STK32B: variants seen among roughly 807,000 people sequenced by gnomAD.
STK32B encodes serine/threonine kinase 32B.
STK32B carries 43 observed loss-of-function variants against 52.6 expected under a neutral mutation model. The ratio of observed to expected loss-of-function variants is 0.82; its 90% CI spans 0.64 to 1.05. The LOEUF is 1.05. Ranked by LOEUF, STK32B falls within the 50% of genes least tolerant of loss-of-function variation. STK32B has a pLI of 0.00. For missense variants in STK32B, 621 were observed against 534.6 expected (o/e 1.16, Z -1.59); for synonymous variants, 238 against 204.3 (o/e 1.17, Z -1.41).
chr4:5,478,806 T>C (rs956063266), intron 11 of STK32B, among the ~76,000 whole-genome samples: 3 of 152,176 alleles, frequency 2.0e-5, no homozygotes, highest in African/African-American at 7.2e-5. Flanking sequence ...CTGCCTTGAC[T>C]GGAGCAGTGA....
intron 3 of STK32B, among the ~76,000 whole-genome samples, chr4:5,236,780 GT>G (rs1229496728): frequency 6.6e-6 from 1 of 152,168 alleles, no homozygotes; most frequent in African/African-American, 2.4e-5. Flanking sequence ...TCATTCTACT[GT>G]TGATGGGCTT....
At chr4:5,236,860 G>A (rs985115317) in intron 3 of STK32B, among the ~76,000 whole-genome samples, 1 of 152,162 alleles carries the variant, frequency 6.6e-6, no homozygotes, top group African/African-American at 2.4e-5. Context: ...GCTTTTTGGT[G>A]CAAACATATA....
intron 5 of STK32B, among the ~76,000 whole-genome samples, chr4:5,410,002 T>C (rs1711523720): frequency 6.6e-6 from 1 of 152,180 alleles, no homozygotes; most frequent in South Asian, 2.1e-4. Flanking sequence ...ATTGGGCTTC[T>C]TTTTTCCTTT....
chr4:5,337,070 C>G (rs1158465651), intron 4 of STK32B, among the ~76,000 whole-genome samples: 1 of 152,056 alleles, frequency 6.6e-6, no homozygotes, highest in Non-Finnish European at 1.5e-5. Flanking sequence ...CCTCAACCTT[C>G]TGGGCTCAAG....
chr4:5,069,878 C>T (rs773651065), intron 1 of STK32B, among the ~76,000 whole-genome samples: 9 of 152,108 alleles, frequency 5.9e-5, no homozygotes, highest in South Asian at 2.1e-4. Flanking sequence ...TTATCCTCTC[C>T]GAGCCTCAGT....
chr4:5,206,941 T>C (rs910513077), intron 3 of STK32B, among the ~76,000 whole-genome samples: 1 of 152,234 alleles, frequency 6.6e-6, no homozygotes, highest in Non-Finnish European at 1.5e-5. Context: ...ACTCATCCTG[T>C]TCTTGACCCA....
rs562166845 is a variant in STK32B at position 5,139,856 on chromosome 4, A to G, written c.53-49A>G. 9.2e-5 allele frequency: 148 copies of G among 1,608,570 alleles called. 1 individual carries two copies. In the South Asian group the frequency reaches 1.4e-3, roughly 15 times the overall value. ...TAGGTAAGGATATTCAAGGAGCAAT[A>G]CCAGGTTTAGCAAATCTGACTTGTT... On this transcript the variant is annotated intron_variant, in intron 1 of 11. Transcript: ENST00000282908.
chr4:5,373,184 G>A (rs1735366910), intron 4 of STK32B, among the ~76,000 whole-genome samples: 2 of 152,056 alleles, frequency 1.3e-5, no homozygotes, highest in African/African-American at 4.8e-5. Context: ...CATATAGCTC[G>A]CCCAGCTATA....
At chr4:5,165,479 G>A (rs1453404653) in intron 2 of STK32B, among the ~76,000 whole-genome samples, 1 of 152,146 alleles carries the variant, frequency 6.6e-6, no homozygotes, top group South Asian at 2.1e-4. Flanking sequence ...CCCCGGGGAC[G>A]CTACACAGAC....
intron 11 of STK32B, among the ~76,000 whole-genome samples, chr4:5,491,922 T>A (rs1373618401): frequency 6.6e-6 from 1 of 152,204 alleles, no homozygotes; most frequent in Non-Finnish European, 1.5e-5. Flanking sequence ...GGCTCTGTTG[T>A]GTTCCATTGA....
chr4:5,494,243 C>G (rs567833655), intron 11 of STK32B, among the ~76,000 whole-genome samples: 1 of 152,102 alleles, frequency 6.6e-6, no homozygotes, highest in Non-Finnish European at 1.5e-5. Context: ...TCAGGACTTG[C>G]TTTATGAATC....
intron 1 of STK32B, among the ~76,000 whole-genome samples, chr4:5,123,067 A>G (rs1715159427): frequency 6.6e-6 from 1 of 151,820 alleles, no homozygotes; most frequent in African/African-American, 2.4e-5. Flanking sequence ...AGCTGCCTCA[A>G]ACTCAACAGG....
rs1736745583 is a variant in STK32B, at chr4:5,394,252, A to G, written c.435-3955A>G. Among the ~76,000 whole-genome samples, 1 of 152,146 alleles carries G rather than the reference A, an allele frequency of 6.6e-6. No individual in the cohort carries two copies. The highest frequency in any genetic ancestry group is 1.5e-5 in the Non-Finnish European group (1 of 68,032). On this transcript the variant is annotated intron_variant, in intron 4 of 11. Transcript: ENST00000282908. This position sits in a 1 kb window ranked among gnomAD's most constrained non-coding sequence, Gnocchi z 4.2. ...TAGCCCTGCATGCGTACTTTCCATC[A>G]AAGTGTCATTTTGCCCAACTCTGAA... is the stretch of plus-strand genomic sequence containing the variant.
the STK32B span, among the ~76,000 whole-genome samples, chr4:5,033,708 A>G: frequency 6.6e-6 from 1 of 152,234 alleles, no homozygotes; most frequent in East Asian, 1.9e-4. Flanking sequence ...CTTCCAGTGC[A>G]CTCTCTGTTT....
At chr4:5,455,342 G>A (rs889740861) in intron 7 of STK32B, among the ~76,000 whole-genome samples, 2 of 152,238 alleles carry the variant, frequency 1.3e-5, no homozygotes, top group African/African-American at 4.8e-5. Context: ...CGATCACGTG[G>A]TGGTGACAGT....
At chr4:5,129,876 C>CTTTCTTT (rs757753209) in intron 1 of STK32B, among the ~76,000 whole-genome samples, 5 of 152,112 alleles carry the variant, frequency 3.3e-5, no homozygotes, top group Non-Finnish European at 5.9e-5. Flanking sequence ...TTCACTTGTT[C>CTTTCTTT]TTTCTTTTTT....
chr4:5,151,305 A>C (rs373982545), intron 2 of STK32B, among the ~76,000 whole-genome samples: 9 of 152,354 alleles, frequency 5.9e-5, no homozygotes, highest in African/African-American at 1.7e-4. Context: ...TGAAGTCTAC[A>C]TGACTATTAT....
chr4:5,029,215 A>G, the STK32B span, among the ~76,000 whole-genome samples: 1 of 152,180 alleles, frequency 6.6e-6, no homozygotes, highest in Non-Finnish European at 1.5e-5. Flanking sequence ...AGTTGGGGGT[A>G]GGCCTATGAA....
intron 7 of STK32B, among the ~76,000 whole-genome samples, chr4:5,449,737 G>A (rs1429563960): frequency 6.6e-6 from 1 of 152,130 alleles, no homozygotes; most frequent in Admixed American, 6.5e-5. Context: ...GTCAGCAGTA[G>A]CATTAGACTC....
Sources: gnomAD v4.1 joint callset for allele counts (sites outside exome capture counted in the v4.1 genomes callset) on GRCh38, gnomAD v4.1.1 for gene constraint, Gnocchi (gnomAD v3.1) non-coding constraint, MANE v1.5 for transcripts, NCBI Gene and HGNC (gene_info 2026-07-23, HGNC 2026-07-21) for gene names.